Variants in NDUFAF6 observed in about 807,000 individuals in gnomAD.
NDUFAF6 encodes the protein NADH:ubiquinone oxidoreductase complex assembly factor 6.
Under a neutral mutation model 40.8 loss-of-function variants are expected in NDUFAF6, and 45 were observed. The ratio of observed to expected loss-of-function variants is 1.10; its 90% CI spans 0.87 to 1.42. The LOEUF is 1.42. NDUFAF6 is among the 40% of genes most tolerant of loss of function. The pLI, the probability that NDUFAF6 is intolerant of heterozygous loss-of-function variation, is 0.00. For synonymous variants in NDUFAF6, 185 were observed against 155.9 expected (o/e 1.19, Z -1.39); for missense variants, 435 against 418.5 (o/e 1.04, Z -0.34).
At chr8:95,114,018 A>C (rs1311634244) in intron 4 of NDUFAF6, among the ~76,000 whole-genome samples, 1 of 48,506 alleles carries the variant, frequency 2.1e-5, no homozygotes, top group African/African-American at 8.2e-5. Context: ...GGATGGGGGG[A>C]GGGGGGAGGG....
chr8:94,905,421 T>C (rs1051427291), intron 1 of NDUFAF6, among the ~76,000 whole-genome samples: 1 of 152,040 alleles, frequency 6.6e-6, no homozygotes, highest in African/African-American at 2.4e-5. Flanking sequence ...CTTTCCTTGA[T>C]TCTCAGCTCG....
At chr8:95,082,877 G>A (rs1808920728) in intron 2 of NDUFAF6, among the ~76,000 whole-genome samples, 1 of 152,140 alleles carries the variant, frequency 6.6e-6, no homozygotes, top group South Asian at 2.1e-4. Flanking sequence ...AGCCGGGATG[G>A]TTTCGATCTC....
At chr8:95,013,264 T>A (rs1827300335) in intron 2 of NDUFAF6, among the ~76,000 whole-genome samples, 1 of 152,140 alleles carries the variant, frequency 6.6e-6, no homozygotes, top group Non-Finnish European at 1.5e-5. Context: ...CACACCTGGC[T>A]AATGTTTTTA....
At chr8:94,946,851 A>G (rs959940391) in intron 2 of NDUFAF6, among the ~76,000 whole-genome samples, 1 of 152,098 alleles carries the variant, frequency 6.6e-6, no homozygotes, top group African/African-American at 2.4e-5. Context: ...TACCTACTTC[A>G]CAGTGCCAGT....
At chr8:94,959,149 T>C (rs1241628405) in intron 1 of NDUFAF6, among the ~76,000 whole-genome samples, 1 of 152,152 alleles carries the variant, frequency 6.6e-6, no homozygotes, top group Non-Finnish European at 1.5e-5. Context: ...AATGACTTAC[T>C]CAGGTCACAT....
At chr8:95,030,829 G>C (rs1828739638) in intron 1 of NDUFAF6, among the ~76,000 whole-genome samples, 1 of 152,218 alleles carries the variant, frequency 6.6e-6, no homozygotes, top group East Asian at 1.9e-4. Flanking sequence ...GGCTGTGCAA[G>C]AAGCATGGCA....
intron 1 of NDUFAF6, among the ~76,000 whole-genome samples, chr8:94,920,176 T>C (rs534967622): frequency 1.4e-4 from 22 of 152,324 alleles, no homozygotes; most frequent in Admixed American, 9.8e-4. Context: ...CATATAGTGA[T>C]AACACTATAT....
At chr8:94,898,425 C>T (rs1817796074) in intron 1 of NDUFAF6, among the ~76,000 whole-genome samples, 2 of 152,012 alleles carry the variant, frequency 1.3e-5, no homozygotes, top group African/African-American at 4.8e-5. Flanking sequence ...GCTAACCATG[C>T]GACAAAAACA....
chr8:94,939,123 CT>C (rs1821275047), intron 1 of NDUFAF6, among the ~76,000 whole-genome samples: 1 of 152,188 alleles, frequency 6.6e-6, no homozygotes, highest in Non-Finnish European at 1.5e-5. Context: ...CAGGAAGAAA[CT>C]GAGTTTGTTA....
chr8:95,034,587 G>C (rs1368489195), intron 2 of NDUFAF6: 1 of 152,610 alleles, frequency 6.6e-6, no homozygotes, highest in East Asian at 1.9e-4. Context: ...GAATTAAAAT[G>C]TTTCTCATTT....
At position 95,115,976 on chromosome 8, in the gene NDUFAF6, A is replaced by G. The variant is rs892921028; in HGVS notation, n.546+239A>G. Among the ~76,000 whole-genome samples, 27 of 152,136 alleles carry G rather than the reference A, an allele frequency of 1.8e-4. 1 individual carries two copies. The highest frequency in any genetic ancestry group is 1.8e-3 in the Admixed American group (27 of 15,278). On this transcript the variant is annotated intron_variant and non_coding_transcript_variant, in intron 5 of 5. Coordinates refer to the NDUFAF6 transcript ENST00000523184. ...AACATGGTGAAAACCCGTCTCTACC[A>G]AAAACACACAAATTAGCCGGGGGTG...
intron 9 of NDUFAF6, among the ~76,000 whole-genome samples, chr8:95,066,523 T>C (rs1327366702): frequency 6.6e-6 from 1 of 152,132 alleles, no homozygotes; most frequent in African/African-American, 2.4e-5. Flanking sequence ...CACTTGATCA[T>C]TTTCATAAAT....
chr8:94,985,291 G>A (rs972936910), intron 2 of NDUFAF6, among the ~76,000 whole-genome samples: 5 of 151,278 alleles, frequency 3.3e-5, no homozygotes, highest in African/African-American at 1.2e-4. Context: ...TAGCAGAGGA[G>A]ATAATATAAA....
At chr8:95,012,097 C>G (rs1827248874) in intron 2 of NDUFAF6, among the ~76,000 whole-genome samples, 1 of 152,202 alleles carries the variant, frequency 6.6e-6, no homozygotes, top group Admixed American at 6.5e-5. Flanking sequence ...CTGCACATCA[C>G]TGGCCTGAAA....
chr8:95,103,432 A>G (rs1285174296), exon 3 of NDUFAF6: 1 of 152,224 alleles, frequency 6.6e-6, no homozygotes, highest in Non-Finnish European at 1.5e-5. Flanking sequence ...TGGATAAATA[A>G]ATGCCACACC....
intron 1 of NDUFAF6, among the ~76,000 whole-genome samples, chr8:94,903,429 C>T (rs183682938): frequency 1.3e-5 from 2 of 152,134 alleles, no homozygotes; most frequent in Admixed American, 6.5e-5. Flanking sequence ...GTGTATCAAC[C>T]GGGATAAATC....
At chr8:95,037,193 G>T (rs1246293900) in intron 3 of NDUFAF6, among the ~76,000 whole-genome samples, 2 of 152,120 alleles carry the variant, frequency 1.3e-5, no homozygotes, top group Non-Finnish European at 2.9e-5. Flanking sequence ...TATAACCAAG[G>T]TCTTTCTTCT....
At chr8:94,950,503 C>T (rs929710982) in intron 2 of NDUFAF6, 4 of 152,254 alleles carry the variant, frequency 2.6e-5, no homozygotes, top group Non-Finnish European at 5.9e-5. Flanking sequence ...CACATTCTGA[C>T]CCTCACAATG....
chr8:94,935,407 T>C (rs1241928165), intron 1 of NDUFAF6, among the ~76,000 whole-genome samples: 1 of 152,170 alleles, frequency 6.6e-6, no homozygotes, highest in East Asian at 1.9e-4. Flanking sequence ...GTGGGAGCAA[T>C]CTCAGATATT....
Sources: gnomAD v4.1 joint callset for allele counts (sites outside exome capture counted in the v4.1 genomes callset) on GRCh38, gnomAD v4.1.1 for gene constraint, MANE v1.5 for transcripts, NCBI Gene and HGNC (gene_info 2026-07-23, HGNC 2026-07-21) for gene names.